The following RFX3 variants were observed in gnomAD, a reference collection of about 807,000 sequenced individuals.
RFX3 encodes regulatory factor X3, also known as transcription factor RFX3.
RFX3 carries 14 observed loss-of-function variants against 98.6 expected under a neutral mutation model. That is an observed-to-expected ratio of 0.14 (90% CI 0.09 to 0.22). The LOEUF is 0.22. Ranked by LOEUF, RFX3 falls within the 10% of genes least tolerant of loss-of-function variation. The probability of loss-of-function intolerance (pLI) is 1.00; values close to 1 mark genes in which losing one functional copy is unlikely to be tolerated. For missense variants in RFX3, 639 were observed against 926.9 expected (o/e 0.69, Z 4.03); for synonymous variants, 383 against 328.4 (o/e 1.17, Z -1.80).
At chr9:3,340,683 G>A (rs1833783742) in intron 3 of RFX3, among the ~76,000 whole-genome samples, 1 of 152,172 alleles carries the variant, frequency 6.6e-6, no homozygotes, top group Admixed American at 6.5e-5. Flanking sequence ...TCAGAGAAAT[G>A]CAAATCAAAA....
intron 5 of RFX3, among the ~76,000 whole-genome samples, chr9:3,294,542 T>A (rs1827770912): frequency 6.6e-6 from 1 of 152,076 alleles, no homozygotes; most frequent in African/African-American, 2.4e-5. Flanking sequence ...AAATAAAAAA[T>A]TTCTCCATTT....
chr9:3,350,191 C>G (rs1409807379), intron 2 of RFX3, among the ~76,000 whole-genome samples: 1 of 152,184 alleles, frequency 6.6e-6, no homozygotes, highest in Non-Finnish European at 1.5e-5. Context: ...AAGCCACAAA[C>G]TGGGGAAGAA....
At chr9:3,341,430 T>C (rs1833879591) in intron 3 of RFX3, among the ~76,000 whole-genome samples, 1 of 151,484 alleles carries the variant, frequency 6.6e-6, no homozygotes, top group Admixed American at 6.6e-5. Context: ...AAAAAAAAGA[T>C]TTAACAACTG....
chr9:3,429,920 G>A (rs1844492066), intron 1 of RFX3, among the ~76,000 whole-genome samples: 1 of 152,048 alleles, frequency 6.6e-6, no homozygotes, highest in African/African-American at 2.4e-5. Flanking sequence ...CCAACCCACG[G>A]CCCACTTGCA....
At chr9:3,240,105 C>T (rs938805409) in intron 15 of RFX3, among the ~76,000 whole-genome samples, 1 of 152,194 alleles carries the variant, frequency 6.6e-6, no homozygotes, top group African/African-American at 2.4e-5. Context: ...GCGACACGGG[C>T]TGGCTATGTC....
At chr9:3,469,277 AT>A (rs1325868716) in intron 1 of RFX3, 2 of 376,808 alleles carry the variant, frequency 5.3e-6, no homozygotes, top group African/African-American at 4.2e-5. Context: ...TTCATATACT[AT>A]TTCATATACA....
chr9:3,467,187 T>C (rs1362966331), intron 1 of RFX3, among the ~76,000 whole-genome samples: 1 of 144,584 alleles, frequency 6.9e-6, no homozygotes, highest in Non-Finnish European at 1.5e-5. Flanking sequence ...TATATGTATA[T>C]ACATATATAA....
At chr9:3,435,314 C>G (rs1372475657) in intron 1 of RFX3, among the ~76,000 whole-genome samples, 1 of 152,040 alleles carries the variant, frequency 6.6e-6, no homozygotes, top group Non-Finnish European at 1.5e-5. Context: ...ACAGCTTAAA[C>G]ACAAATACAC....
At chr9:3,439,790 A>G (rs1845466715) in intron 1 of RFX3, among the ~76,000 whole-genome samples, 1 of 152,028 alleles carries the variant, frequency 6.6e-6, no homozygotes, top group African/African-American at 2.4e-5. Context: ...TGAGACCAGC[A>G]TTACTTTAAT....
intron 1 of RFX3, among the ~76,000 whole-genome samples, chr9:3,446,209 T>C (rs975340682): frequency 6.6e-6 from 1 of 152,014 alleles, no homozygotes; most frequent in African/African-American, 2.4e-5. Flanking sequence ...GGGGAGTATA[T>C]AAAAGAAACA....
At chr9:3,413,173 GC>G (rs1842603193) in intron 1 of RFX3, among the ~76,000 whole-genome samples, 1 of 151,442 alleles carries the variant, frequency 6.6e-6, no homozygotes, top group Non-Finnish European at 1.5e-5. Flanking sequence ...ACTAGTCCCA[GC>G]TTTTAATCCA....
rs772137713 is a variant in RFX3 at position 3,421,088 on chromosome 9, T to G, written c.-8-25492A>C. Among the ~76,000 whole-genome samples, 32 of 150,578 alleles carry G rather than the reference T, an allele frequency of 2.1e-4. 1 individual carries two copies. Among genetic ancestry groups the G allele is most frequent in the Admixed American group, 7.9e-4 (12 of 15,152 alleles). Reference sequence around the variant, plus strand: ...GTATCTCCTGAGGCTCTGGAGTGACTTGTCCCCTGCAGGATGGCCACATTC... The same window carrying G: ...GTATCTCCTGAGGCTCTGGAGTGACGTGTCCCCTGCAGGATGGCCACATTC... On this transcript the variant is annotated intron_variant, in intron 1 of 16. Transcript: ENST00000617270.
intron 1 of RFX3, among the ~76,000 whole-genome samples, chr9:3,429,181 T>C (rs1006973371): frequency 2.4e-4 from 36 of 150,938 alleles, no homozygotes; most frequent in Admixed American, 6.6e-4. Flanking sequence ...CGCCAACACG[T>C]CCGGCTAATT....
At chr9:3,235,086 G>C (rs537393742) in intron 15 of RFX3, among the ~76,000 whole-genome samples, 41 of 152,208 alleles carry the variant, frequency 2.7e-4, no homozygotes, top group Non-Finnish European at 4.7e-4. Context: ...GGATGAAGAC[G>C]GAAGAAGTCG....
rs939218542 is a variant in RFX3, at chr9:3,398,959, G to A, written c.-8-3363C>T. Among the ~76,000 whole-genome samples, 5 of 122,088 alleles carry A rather than the reference G, an allele frequency of 4.1e-5. No homozygotes were observed. In the East Asian group the frequency reaches 1.0e-3, roughly 24 times the overall value. 80.1% of individuals were successfully genotyped at this position (122,088 alleles called of 152,430 possible). A position where few individuals can be genotyped will look rare whatever the true frequency, so the allele number is the denominator to read the frequency against. On this transcript the variant is annotated intron_variant, in intron 1 of 16. Coordinates refer to ENST00000617270, the MANE Select transcript of RFX3 (RefSeq NM_001282116.2). ...AAAAAAAATTAAAACTACCTTTAAA[G>A]TAATTCTTAACAACTCCCAATAAGC...
chr9:3,409,116 T>C (rs1587555054), intron 1 of RFX3, among the ~76,000 whole-genome samples: 1 of 152,252 alleles, frequency 6.6e-6, no homozygotes, highest in African/African-American at 2.4e-5. Context: ...CCTACCCATG[T>C]AATATTCTGT....
At chr9:3,240,171 T>C (rs1392962162) in intron 15 of RFX3, among the ~76,000 whole-genome samples, 2 of 152,180 alleles carry the variant, frequency 1.3e-5, no homozygotes, top group Non-Finnish European at 2.9e-5. Context: ...AAATCCAAAC[T>C]CAGCCTTCCA....
At chr9:3,458,464 A>G (rs1329833272) in intron 1 of RFX3, among the ~76,000 whole-genome samples, 4 of 152,228 alleles carry the variant, frequency 2.6e-5, no homozygotes, top group Non-Finnish European at 5.9e-5. Context: ...CACACATACA[A>G]ATAAAAGGAT....
intron 15 of RFX3, among the ~76,000 whole-genome samples, chr9:3,246,211 A>G (rs992641046): frequency 6.6e-6 from 1 of 152,104 alleles, no homozygotes; most frequent in African/African-American, 2.4e-5. Context: ...ATCTTTGACC[A>G]TTTTTTAAAT....
Sources: allele counts gnomAD v4.1 joint callset (sites outside exome capture counted in the v4.1 genomes callset), GRCh38; gene constraint gnomAD v4.1.1; transcripts MANE v1.5; gene names NCBI Gene and HGNC (gene_info 2026-07-23, HGNC 2026-07-21).